PCDHA2: variants seen among roughly 807,000 people sequenced by gnomAD.
PCDHA2 encodes the protein protocadherin alpha-2.
In PCDHA2, 58 loss-of-function variants were observed where a neutral mutation model predicts 66.0. The observed-to-expected ratio is 0.88, with a 90% confidence interval of 0.71 to 1.09. The LOEUF is 1.09. Ranked by LOEUF, PCDHA2 falls within the 50% of genes least tolerant of loss-of-function variation. PCDHA2 has a pLI of 0.00. For missense variants in PCDHA2, 1,267 were observed against 1,242.3 expected (o/e 1.02, Z -0.30); for synonymous variants, 634 against 554.0 (o/e 1.14, Z -2.03).
intron 1 of PCDHA2, chr5:140,841,994 A>T: frequency 6.2e-6 from 10 of 1,613,788 alleles, no homozygotes; most frequent in Non-Finnish European, 8.5e-6. Flanking sequence ...GCTCACAGGC[A>T]CTGTTCAGCT....
intron 1 of PCDHA2, chr5:140,829,408 C>T: frequency 1.2e-6 from 2 of 1,614,134 alleles, no homozygotes; most frequent in Non-Finnish European, 1.7e-6. Context: ...GGGCCACCGC[C>T]AGCTTGTCTG....
intron 1 of PCDHA2, among the ~76,000 whole-genome samples, chr5:140,838,860 T>C (rs2150293011): frequency 1.3e-4 from 20 of 151,904 alleles, no homozygotes; most frequent in Non-Finnish European, 2.9e-4. Context: ...AGGTCCAAGC[T>C]GCAGTTATCA....
intron 1 of PCDHA2, chr5:140,928,828 C>G (rs199775949): frequency 6.2e-7 from 1 of 1,614,160 alleles, no homozygotes. Context: ...AGACCCACCA[C>G]TTTCCTCCTC....
At chr5:140,808,070 A>G (rs1764091333) in intron 1 of PCDHA2, 2 of 1,614,124 alleles carry the variant, frequency 1.2e-6, no homozygotes, top group Non-Finnish European at 8.5e-7. Context: ...CAAGTTTCAC[A>G]TAGATCCAAT....
rs1328741778 is a variant in PCDHA2, at chr5:140,850,113, G to T, written c.2388+52761G>T. On this transcript the variant is annotated intron_variant, in intron 1 of 3. Transcript: ENST00000526136. ...ACAGTTCCAGGTGAGCGCGCGCGAC[G>T]CGGGCGTGCCGCCTCTGGGCAGCAA... 18 of 1,595,940 alleles carry T rather than the reference G, an allele frequency of 1.1e-5. 2 individuals are homozygous for T. Among genetic ancestry groups the T allele is most frequent in the Non-Finnish European group, 1.5e-5 (18 of 1,167,848 alleles).
intron 1 of PCDHA2, chr5:140,929,152 T>TA (rs1322546333): frequency 2.5e-6 from 4 of 1,614,072 alleles, no homozygotes; most frequent in Non-Finnish European, 3.4e-6. Flanking sequence ...TTCTCAGACT[T>TA]ATCTCTATCG....
At position 140,840,546 on chromosome 5, in the gene PCDHA2, T is replaced by C. The variant is rs2150307753; in HGVS notation, c.2388+43194T>C. ...AGATGAAGAACTAACAAGCCAATGATGGCAATACTGCTAGAGTTTGGCATG... is the reference window on the plus strand; with the variant it reads ...AGATGAAGAACTAACAAGCCAATGACGGCAATACTGCTAGAGTTTGGCATG... On this transcript the variant is annotated intron_variant, in intron 1 of 3. Coordinates refer to ENST00000526136, the MANE Select transcript of PCDHA2 (RefSeq NM_018905.3). 2.8e-4 allele frequency among the ~76,000 whole-genome samples: 42 copies of C among 152,170 alleles called. 1 individual carries two copies. The highest frequency in any genetic ancestry group is 9.9e-4 in the African/African-American group (41 of 41,470).
chr5:140,876,878 C>T (rs1305242755), intron 1 of PCDHA2: 1 of 1,614,118 alleles, frequency 6.2e-7, no homozygotes, highest in Admixed American at 1.7e-5. Context: ...GAGAACAACC[C>T]GCCGGGCTGC....
chr5:140,830,324 G>C (rs1770992912), intron 1 of PCDHA2: 1 of 1,614,086 alleles, frequency 6.2e-7, no homozygotes, highest in Non-Finnish European at 8.5e-7. Context: ...CTCCAGCGCA[G>C]TGGGGAGCTG....
At chr5:140,797,391 T>G (rs374548717) in intron 1 of PCDHA2, 39 bp downstream of exon 1, 2 of 1,582,350 alleles carry the variant, frequency 1.3e-6, no homozygotes, top group African/African-American at 1.4e-5. Context: ...CTAAAATTGT[T>G]CTTTTTAAAA....
chr5:141,010,232 A>C lies in PCDHA2; in HGVS notation c.*295A>C. The C allele has an allele frequency of 1.3e-6, 2 of 1,551,952 alleles. No individual in the cohort carries two copies. The highest frequency in any genetic ancestry group is 1.7e-6 in the Non-Finnish European group (2 of 1,147,050). The stretch of plus-strand genomic sequence containing the variant: ...AAAGGAGAGGCTTCCCAGCCCCGCC[A>C]GTGAGAGGTTGGACTCTCTGCCCTG... On this transcript the variant is annotated 3_prime_UTR_variant, in exon 4 of 4. Coordinates refer to ENST00000526136, the MANE Select transcript of PCDHA2 (RefSeq NM_018905.3).
At chr5:140,808,849 C>A (rs1466970963) in intron 1 of PCDHA2, 1 of 1,612,966 alleles carries the variant, frequency 6.2e-7, no homozygotes, top group Non-Finnish European at 8.5e-7. Context: ...TGCAGGTGTT[C>A]GTGCTGGACG....
At chr5:140,801,346 A>G (rs1554121412) in intron 1 of PCDHA2, 1 of 1,613,340 alleles carries the variant, frequency 6.2e-7, no homozygotes. Flanking sequence ...CGCATCGCGC[A>G]GGACCTGGGG....
chr5:140,967,234 G>A (rs781912172), intron 1 of PCDHA2: 3 of 1,613,746 alleles, frequency 1.9e-6, no homozygotes, highest in South Asian at 1.1e-5. Context: ...ACCAGCTTCA[G>A]GTAAGCGAAT....
intron 1 of PCDHA2, among the ~76,000 whole-genome samples, chr5:140,974,980 G>C (rs149148015): frequency 6.6e-6 from 1 of 152,090 alleles, no homozygotes; most frequent in African/African-American, 2.4e-5. Flanking sequence ...TGAGTTGTCC[G>C]CTCAGGTATT....
intron 1 of PCDHA2, chr5:140,867,827 C>A (rs1219513690): frequency 2.0e-5 from 3 of 152,066 alleles, no homozygotes; most frequent in Non-Finnish European, 4.4e-5. Context: ...TCCACAAGCA[C>A]TAAGGTAATT....
At chr5:140,894,223 T>C (rs2064371572) in intron 1 of PCDHA2, among the ~76,000 whole-genome samples, 1 of 152,124 alleles carries the variant, frequency 6.6e-6, no homozygotes. Context: ...ATTTTAAAGA[T>C]GTTGAATGAC....
intron 1 of PCDHA2, among the ~76,000 whole-genome samples, chr5:140,920,592 T>C (rs1226483981): frequency 6.6e-6 from 1 of 152,158 alleles, no homozygotes; most frequent in Non-Finnish European, 1.5e-5. Flanking sequence ...ACGCCTGTAA[T>C]CCCAGCACTT....
intron 1 of PCDHA2, chr5:140,851,487 C>A: frequency 2.2e-6 from 2 of 889,094 alleles, no homozygotes; most frequent in Non-Finnish European, 1.4e-6. Flanking sequence ...TAAACACAGC[C>A]TTCATTTCAA....
Sources: allele counts gnomAD v4.1 joint callset (sites outside exome capture counted in the v4.1 genomes callset), GRCh38; gene constraint gnomAD v4.1.1; transcripts MANE v1.5; gene names NCBI Gene and HGNC (gene_info 2026-07-23, HGNC 2026-07-21).